The following COL4A4 variants were observed in gnomAD, a reference collection of about 807,000 sequenced individuals.
The protein encoded by COL4A4 is collagen type IV alpha 4 chain, also known as collagen alpha-4(IV) chain.
A neutral mutation model predicts 192.9 loss-of-function variants in COL4A4; 105 were observed. The observed-to-expected ratio is 0.54, with a 90% CI of 0.46 to 0.64. COL4A4 has a LOEUF of 0.64. Among genes scored for constraint, COL4A4 ranks in the 30% least tolerant of loss-of-function variants. The pLI, the probability that COL4A4 is intolerant of heterozygous loss-of-function variation, is 0.00. For synonymous variants in COL4A4, 762 were observed against 769.9 expected, an observed-to-expected ratio of 0.99 and a Z score of 0.17; for missense variants, 1,967 against 2,169.3, an observed-to-expected ratio of 0.91 and a Z score of 1.85.
intron 15 of COL4A4, 107 bp from the exon 16 acceptor site, chr2:227,102,016 C>A: frequency 1.3e-6 from 1 of 764,720 alleles, no homozygotes; most frequent in East Asian, 2.7e-5. Context: ...ATATTTGGTC[C>A]TGTTTGCAAA....
At chr2:227,084,343 G>A (rs2059473675) in intron 22 of COL4A4, among the ~76,000 whole-genome samples, 2 of 152,130 alleles carry the variant, frequency 1.3e-5, no homozygotes, top group South Asian at 4.2e-4. Context: ...AGAAAAAAGT[G>A]GAATGCTTAA....
At chr2:227,050,172 A>C (rs1415527747) in intron 33 of COL4A4, 41 bp from the exon 34 acceptor site, 4 of 1,552,960 alleles carry the variant, frequency 2.6e-6, no homozygotes, top group Non-Finnish European at 3.6e-6. Flanking sequence ...TCAGATTTCA[A>C]ATACAAATGG....
At chr2:226,985,518 C>G in the COL4A4 span, among the ~76,000 whole-genome samples, 4 of 152,248 alleles carry the variant, frequency 2.6e-5, no homozygotes, top group African/African-American at 9.6e-5. Context: ...GCCTCTGGTT[C>G]CACCTGCTGG....
chr2:227,142,923 A>G (rs1235126827), intron 3 of COL4A4, among the ~76,000 whole-genome samples: 1 of 152,180 alleles, frequency 6.6e-6, no homozygotes, highest in Non-Finnish European at 1.5e-5. Flanking sequence ...ACTGGCCCCA[A>G]GTTCCCTCCT....
rs545938416 is a variant in COL4A4 at position 227,055,400 on chromosome 2, T to C, written c.2716+545A>G. 3.7e-4 allele frequency among the ~76,000 whole-genome samples: 55 copies of C among 149,868 alleles called. 1 individual carries two copies. Among genetic ancestry groups the C allele is most frequent in the Middle Eastern group, 6.9e-3 (2 of 288 alleles). On this transcript the variant is annotated intron_variant, in intron 30 of 47. Transcript: ENST00000396625. ...GCACATGCCTCTCAGGAGGCTGAGG[T>C]AGGAGGATCACTTGAGCCCAGGAGT...
chr2:227,026,600 T>C (rs1182872364), intron 42 of COL4A4, among the ~76,000 whole-genome samples: 2 of 152,202 alleles, frequency 1.3e-5, no homozygotes, highest in African/African-American at 4.8e-5. Context: ...ACTAGAGTGC[T>C]AATTTAGGAT....
At chr2:227,060,045 T>A in intron 27 of COL4A4, 91 bp downstream of exon 27, 1 of 862,000 alleles carries the variant, frequency 1.2e-6, no homozygotes, top group Admixed American at 2.3e-5. Context: ...ATTTCCTCAA[T>A]GAAATTATCC....
downstream of COL4A4, among the ~76,000 whole-genome samples, chr2:227,000,317 G>A (rs1209748629): frequency 1.3e-5 from 2 of 152,154 alleles, no homozygotes; most frequent in African/African-American, 4.8e-5. Context: ...GTGGTTTATA[G>A]GCACCAAAGT....
intron 25 of COL4A4, among the ~76,000 whole-genome samples, chr2:227,069,320 C>T (rs2150376986): frequency 6.6e-6 from 1 of 151,946 alleles, no homozygotes; most frequent in East Asian, 1.9e-4. Context: ...TCAATGCCAT[C>T]CCCATCAAGC....
chr2:227,120,871 G>A (rs772657167), intron 5 of COL4A4, 143 bp downstream of exon 5: 69 of 1,078,578 alleles, frequency 6.4e-5, no homozygotes, highest in South Asian at 2.5e-4. Flanking sequence ...CCTGGGAGGC[G>A]AAGGCTGCAG....
chr2:227,103,281 T>A, intron 13 of COL4A4, 84 bp from the exon 14 acceptor site: 1 of 1,122,666 alleles, frequency 8.9e-7, no homozygotes, highest in Non-Finnish European at 1.3e-6. Context: ...CATCTCTTTT[T>A]ACAATCTGTT....
At chr2:227,027,754 T>C in intron 42 of COL4A4, 148 bp downstream of exon 42, 1 of 653,006 alleles carries the variant, frequency 1.5e-6, no homozygotes, top group Non-Finnish European at 2.7e-6. Flanking sequence ...GACTTTGTAG[T>C]GCGGCCTGAA....
chr2:227,000,232 C>T (rs879662197), downstream of COL4A4, among the ~76,000 whole-genome samples: 18 of 152,278 alleles, frequency 1.2e-4, no homozygotes, highest in Middle Eastern at 3.4e-3. Context: ...GCCCACAGCA[C>T]CTGGAAGCTT....
intron 37 of COL4A4, among the ~76,000 whole-genome samples, chr2:227,041,852 A>AGAGAGAGAGAG (rs1971334980): frequency 1.6e-3 from 113 of 71,362 alleles, no homozygotes; most frequent in Non-Finnish European, 2.5e-3. Context: ...AAGAAAGAGA[A>AGAGAGAGAGAG]AGAAAGAAAG....
chr2:227,022,147 C>A lies in COL4A4; in HGVS notation c.4117G>T (p.Asp1373Tyr). Residue 1373 changes from aspartate (D) to tyrosine (Y), a missense_variant, in exon 44 of 48, where the codon GAT becomes TAT. Physicochemically the swap from Asp to Tyr is radical, Grantham distance 160. Coordinates refer to ENST00000396625, the MANE Select transcript of COL4A4 (RefSeq NM_000092.5). ...RGEPGPPADV[D>Y]DCPRIPGLPG... ...AGGCCTGGGATTCGGGGACAGTCAT[C>A]CACATCTGCAGGTGGCCCCGGTTCA... 1 of 1,614,150 alleles carries A rather than the reference C, an allele frequency of 6.2e-7. No individual in the cohort carries two copies. Among genetic ancestry groups the A allele is most frequent in the Non-Finnish European group, 8.5e-7 (1 of 1,180,038 alleles).
At chr2:227,042,945 C>T in intron 36 of COL4A4, 132 bp downstream of exon 36, 2 of 719,682 alleles carry the variant, frequency 2.8e-6, no homozygotes, top group Non-Finnish European at 4.9e-6. Flanking sequence ...CTTAAGTGAC[C>T]TATCCAAAGT....
chr2:227,047,535 G>A lies in COL4A4; in HGVS notation c.3229C>T (p.Pro1077Ser), dbSNP rs1973138433. The change falls in exon 35 of 48, where the codon CCT becomes TCT. Residue 1077 changes from proline (P) to serine (S), a missense_variant. Pro to Ser is a moderately conservative substitution (Grantham distance 74, BLOSUM62 -1). Coordinates refer to ENST00000396625, the MANE Select transcript of COL4A4 (RefSeq NM_000092.5). ...ARGPKGNKGD[P>S]ASHFGPPGPK... ...CCAGGTGGACCAAAGTGACTGGCAG[G>A]GTCACCTTTGTTTCCTGAAAGGGAT... 2 of 1,613,078 alleles carry A rather than the reference G, an allele frequency of 1.2e-6. No homozygotes were observed. Among genetic ancestry groups the A allele is most frequent in the Non-Finnish European group, 1.7e-6 (2 of 1,179,502 alleles).
At position 227,056,384 on chromosome 2, in the gene COL4A4, A is replaced by G. The variant is rs1975360267; in HGVS notation, c.2546-269T>C. 4.6e-5 allele frequency among the ~76,000 whole-genome samples: 5 copies of G among 108,760 alleles called. No homozygotes were observed. In the South Asian group the frequency reaches 1.8e-3, roughly 38 times the overall value. 71.4% of individuals were successfully genotyped at this position (108,760 alleles called of 152,430 possible). On this transcript the variant is annotated intron_variant, in intron 29 of 47. Transcript: ENST00000396625. ...TTTTAACAGAAAACAAAAAGAAAAA[A>G]CAAACATGTATTTGTATTTCCTCTT...
Position 227,032,030 on chromosome 2 carries a change from T to G in COL4A4, c.3732A>C (p.Ala1244=), listed in dbSNP as rs368070110. 1.9e-4 allele frequency: 299 copies of G among 1,613,988 alleles called. No homozygotes were observed. Among genetic ancestry groups the G allele is most frequent in the Non-Finnish European group, 2.4e-4 (288 of 1,179,964 alleles). The change falls in exon 40 of 48, where the codon GCA becomes GCC. Residue 1244 remains alanine, a synonymous_variant. Coordinates refer to ENST00000396625, the MANE Select transcript of COL4A4 (RefSeq NM_000092.5). ...CCTTAGGAGCTCTTCCTGTGGCACC[T>G]GCAGGACCAGGTGGTCCTGAACTCC... ...PPGSSGPPGP[A]GATGRAPKDI... is the part of the protein sequence containing the mutation.
Sources: gnomAD v4.1 joint callset for allele counts (sites outside exome capture counted in the v4.1 genomes callset) on GRCh38, gnomAD v4.1.1 for gene constraint, MANE v1.5 for transcripts, NCBI Gene and HGNC (gene_info 2026-07-23, HGNC 2026-07-21) for gene names.